The following PARN variants were observed in gnomAD, a reference collection of about 807,000 sequenced individuals.
PARN encodes the protein poly(A)-specific ribonuclease PARN.
PARN carries 71 observed loss-of-function variants against 102.8 expected under a neutral mutation model. That is an observed-to-expected ratio of 0.69 (90% CI 0.57 to 0.84). PARN has a LOEUF of 0.84. Ranked by LOEUF, PARN falls within the 40% of genes least tolerant of loss-of-function variation. PARN has a pLI of 0.00. For missense variants in PARN, 782 were observed against 760.9 expected (o/e 1.03, Z -0.33); for synonymous variants, 261 against 252.9 (o/e 1.03, Z -0.30).
At chr16:14,606,900 G>C (rs1404744023) in intron 9 of PARN, among the ~76,000 whole-genome samples, 1 of 151,648 alleles carries the variant, frequency 6.6e-6, no homozygotes, top group African/African-American at 2.4e-5. Flanking sequence ...TCCTGCCTCA[G>C]CTTCCCAAGT....
intron 11 of PARN, 56 bp from the exon 12 acceptor site, chr16:14,600,016 A>C: frequency 9.8e-7 from 1 of 1,017,276 alleles, no homozygotes. Flanking sequence ...TCCTTATGTG[A>C]ATTAAAAAAC....
chr16:14,438,654 T>C (rs755060132), intron 23 of PARN, among the ~76,000 whole-genome samples: 2 of 152,252 alleles, frequency 1.3e-5, no homozygotes, highest in Non-Finnish European at 2.9e-5. Flanking sequence ...ACTTCTGTGA[T>C]ACAGCAAAGT....
At chr16:14,559,430 T>C (rs1048875235) in intron 18 of PARN, among the ~76,000 whole-genome samples, 1 of 152,010 alleles carries the variant, frequency 6.6e-6, no homozygotes, top group African/African-American at 2.4e-5. Context: ...TTAATTTTTA[T>C]GAGTATACAG....
chr16:14,519,911 G>T (rs890041093), intron 21 of PARN, among the ~76,000 whole-genome samples: 1 of 152,040 alleles, frequency 6.6e-6, no homozygotes, highest in African/African-American at 2.4e-5. Context: ...ATGAAATAAT[G>T]GATCTAGGTT....
At chr16:14,557,328 G>C (rs1409681146) in intron 18 of PARN, among the ~76,000 whole-genome samples, 1 of 151,816 alleles carries the variant, frequency 6.6e-6, no homozygotes, top group East Asian at 1.9e-4. Flanking sequence ...GGGAGGCTGA[G>C]GGTGGATCAC....
At chr16:14,555,776 A>C (rs1967646396) in intron 18 of PARN, 67 bp from the exon 19 acceptor site, 2 of 792,454 alleles carry the variant, frequency 2.5e-6, no homozygotes, top group Non-Finnish European at 3.8e-6. Flanking sequence ...TTGCATTTTT[A>C]AGGTTGAATT....
chr16:14,453,864 T>A (rs1450161860), intron 22 of PARN, among the ~76,000 whole-genome samples: 1 of 152,328 alleles, frequency 6.6e-6, no homozygotes, highest in African/African-American at 2.4e-5. Flanking sequence ...CAAATAATGC[T>A]GGTATAAACA....
At chr16:14,479,656 A>G (rs1157121209) in intron 22 of PARN, among the ~76,000 whole-genome samples, 2 of 152,204 alleles carry the variant, frequency 1.3e-5, no homozygotes, top group Admixed American at 1.3e-4. Context: ...TGGTACTGGC[A>G]TAAGGAAAAA....
chr16:14,516,829 T>C (rs1965485151), intron 21 of PARN, among the ~76,000 whole-genome samples: 1 of 152,214 alleles, frequency 6.6e-6, no homozygotes, highest in Non-Finnish European at 1.5e-5. Context: ...TTATAAGCGT[T>C]AGCATAGAGT....
intron 5 of PARN, among the ~76,000 whole-genome samples, chr16:14,620,973 T>C (rs527822705): frequency 1.3e-5 from 2 of 152,360 alleles, no homozygotes; most frequent in Non-Finnish European, 2.9e-5. Context: ...ATACCGTATA[T>C]ATCTTTAATA....
At chr16:14,446,663 C>T (rs1961211996) in intron 23 of PARN, among the ~76,000 whole-genome samples, 1 of 152,110 alleles carries the variant, frequency 6.6e-6, no homozygotes, top group African/African-American at 2.4e-5. Flanking sequence ...ATAGACTAGC[C>T]ATCTTTAACA....
chr16:14,465,705 A>T (rs1962304159), intron 22 of PARN, among the ~76,000 whole-genome samples: 1 of 152,224 alleles, frequency 6.6e-6, no homozygotes, highest in South Asian at 2.1e-4. Flanking sequence ...AATAGCCAAA[A>T]CAATTATGAA....
chr16:14,545,297 G>T (rs1042530889), intron 21 of PARN, among the ~76,000 whole-genome samples: 5 of 152,174 alleles, frequency 3.3e-5, no homozygotes, highest in Non-Finnish European at 5.9e-5. Flanking sequence ...GACTATAAAG[G>T]AAATTCTGGT....
intron 21 of PARN, among the ~76,000 whole-genome samples, chr16:14,543,299 T>C (rs958736018): frequency 1.3e-5 from 2 of 151,844 alleles, no homozygotes; most frequent in Admixed American, 1.3e-4. Flanking sequence ...AACCAAACCA[T>C]CAATACAAGA....
At chr16:14,489,712 C>G (rs1278919616) in intron 21 of PARN, among the ~76,000 whole-genome samples, 2 of 152,172 alleles carry the variant, frequency 1.3e-5, no homozygotes, top group Non-Finnish European at 2.9e-5. Context: ...AGGGTTGAAA[C>G]CAGTTTATTG....
chr16:14,483,285 C>A (rs1963480280), intron 21 of PARN, among the ~76,000 whole-genome samples: 1 of 152,192 alleles, frequency 6.6e-6, no homozygotes, highest in Non-Finnish European at 1.5e-5. Flanking sequence ...CTGTGTCACA[C>A]ACTGAAGATC....
At chr16:14,467,894 T>A (rs546919545) in intron 22 of PARN, among the ~76,000 whole-genome samples, 1 of 152,352 alleles carries the variant, frequency 6.6e-6, no homozygotes, top group South Asian at 2.1e-4. Flanking sequence ...TGGGAAGACA[T>A]GTTCCAAGTG....
intron 23 of PARN, 85 bp from the exon 24 acceptor site, chr16:14,436,857 A>T (rs1295579257): frequency 9.9e-7 from 1 of 1,006,028 alleles, no homozygotes; most frequent in Non-Finnish European, 1.5e-6. Flanking sequence ...AGACAGACAG[A>T]GGGCCTGTGA....
chr16:14,455,283 C>G (rs1279023600), intron 22 of PARN, among the ~76,000 whole-genome samples: 1 of 152,186 alleles, frequency 6.6e-6, no homozygotes, highest in Non-Finnish European at 1.5e-5. Flanking sequence ...TTCATATAAG[C>G]CCAATTCCTT....
Sources: allele counts gnomAD v4.1 joint callset (sites outside exome capture counted in the v4.1 genomes callset), GRCh38; gene constraint gnomAD v4.1.1; transcripts MANE v1.5; gene names NCBI Gene and HGNC (gene_info 2026-07-23, HGNC 2026-07-21).